SH3GL2: variants seen among roughly 807,000 people sequenced by gnomAD.
SH3GL2 encodes endophilin-A1.
A neutral mutation model predicts 46.0 loss-of-function variants in SH3GL2; 24 were observed. That is an observed-to-expected ratio of 0.52 (90% CI 0.38 to 0.73). The LOEUF (loss-of-function observed/expected upper bound fraction) is 0.73. Among genes scored for constraint, SH3GL2 ranks in the 30% least tolerant of loss-of-function variants. The probability of loss-of-function intolerance (pLI) is 0.00; values close to 1 mark genes in which losing one functional copy is unlikely to be tolerated. For missense variants in SH3GL2, 413 were observed against 424.2 expected (o/e 0.97, Z 0.23); for synonymous variants, 196 against 147.1 (o/e 1.33, Z -2.40).
chr9:17,788,715 C>T (rs746955538), intron 5 of SH3GL2, among the ~76,000 whole-genome samples: 1 of 152,070 alleles, frequency 6.6e-6, no homozygotes, highest in Non-Finnish European at 1.5e-5. Flanking sequence ...TAGGTCCCTT[C>T]CAAGTGAGAT....
intron 1 of SH3GL2, among the ~76,000 whole-genome samples, chr9:17,719,837 T>G (rs57261811): frequency 0.067 from 10,146 of 151,628 alleles, 481 homozygotes; most frequent in Admixed American, 0.14. Context: ...CTACTGGTAT[T>G]TAAAATGTAA....
chr9:17,732,161 A>C (rs375358596), intron 1 of SH3GL2, among the ~76,000 whole-genome samples: 1 of 152,104 alleles, frequency 6.6e-6, no homozygotes, highest in African/African-American at 2.4e-5. Flanking sequence ...ACAGCACATT[A>C]ATATTACCCT....
intron 1 of SH3GL2, among the ~76,000 whole-genome samples, chr9:17,696,692 A>G (rs1274375162): frequency 6.6e-6 from 1 of 152,128 alleles, no homozygotes. Flanking sequence ...ACATGATTCC[A>G]TTACCTCCTA....
intron 1 of SH3GL2, among the ~76,000 whole-genome samples, chr9:17,650,464 C>T (rs761656931): frequency 5.3e-5 from 8 of 152,064 alleles, no homozygotes; most frequent in East Asian, 1.9e-4. Flanking sequence ...CTCTGCCTTC[C>T]GGGTTCAAGC....
At chr9:17,773,444 T>C (rs1209888306) in intron 3 of SH3GL2, among the ~76,000 whole-genome samples, 1 of 152,162 alleles carries the variant, frequency 6.6e-6, no homozygotes, top group Non-Finnish European at 1.5e-5. Context: ...GAGTTTTAGA[T>C]CTTACAGCTA....
intron 3 of SH3GL2, among the ~76,000 whole-genome samples, chr9:17,782,851 C>G (rs1823849766): frequency 6.6e-6 from 1 of 152,182 alleles, no homozygotes; most frequent in Admixed American, 6.5e-5. Context: ...CTGCATCTTT[C>G]TGTCACCCTC....
intron 1 of SH3GL2, among the ~76,000 whole-genome samples, chr9:17,614,912 C>T (rs995082370): frequency 2.6e-5 from 4 of 152,200 alleles, no homozygotes; most frequent in Non-Finnish European, 4.4e-5. Context: ...AGTTTCCCCA[C>T]ACCCAAAAGG....
intron 1 of SH3GL2, among the ~76,000 whole-genome samples, chr9:17,597,847 A>G (rs1338138641): frequency 6.6e-6 from 1 of 152,200 alleles, no homozygotes; most frequent in African/African-American, 2.4e-5. Flanking sequence ...ATTGAGGGCC[A>G]GTTTTTCCCC....
chr9:17,683,568 AG>A (rs149404303), intron 1 of SH3GL2, among the ~76,000 whole-genome samples: 4,773 of 152,150 alleles, frequency 0.031, 131 homozygotes, highest in Admixed American at 0.075. Context: ...GGGAGGAGGT[AG>A]ATCACTTGGA....
chr9:17,646,788 C>G (rs1184714865), intron 1 of SH3GL2, among the ~76,000 whole-genome samples: 2 of 152,168 alleles, frequency 1.3e-5, no homozygotes, highest in African/African-American at 4.8e-5. Context: ...AGCCAGAGCT[C>G]TCCTTTATGA....
chr9:17,786,826 A>G (rs1823972213), intron 4 of SH3GL2, among the ~76,000 whole-genome samples: 1 of 151,950 alleles, frequency 6.6e-6, no homozygotes, highest in Non-Finnish European at 1.5e-5. Context: ...GTCATTGAGT[A>G]TTGAAGCAGA....
chr9:17,705,456 G>GCATTCACAGTAGTATTCACAGTATTCACA (rs1821447582), intron 1 of SH3GL2, among the ~76,000 whole-genome samples: 2 of 151,222 alleles, frequency 1.3e-5, no homozygotes, highest in Non-Finnish European at 3.0e-5. Flanking sequence ...GTTCAGCACA[G>GCATTCACAGTAGTATTCACAGTATTCACA]CAGTATTCAC....
At chr9:17,580,084 C>G (rs1382962283) in intron 1 of SH3GL2, among the ~76,000 whole-genome samples, 1 of 152,096 alleles carries the variant, frequency 6.6e-6, no homozygotes, top group Non-Finnish European at 1.5e-5. Flanking sequence ...AATTTAGATT[C>G]TAATAATTAA....
At chr9:17,745,362 T>C (rs895840977) in intron 1 of SH3GL2, among the ~76,000 whole-genome samples, 6 of 152,178 alleles carry the variant, frequency 3.9e-5, no homozygotes, top group African/African-American at 1.4e-4. Flanking sequence ...ATACACTTTA[T>C]TGGTGAGAGA....
chr9:17,768,231 G>C (rs9407846), intron 3 of SH3GL2, among the ~76,000 whole-genome samples: 123,879 of 151,728 alleles, frequency 0.82, 50,871 homozygotes, highest in East Asian at 0.96. Flanking sequence ...AGTAGCTGCT[G>C]TTGGTGGTGG....
chr9:17,791,375 G>T (rs374237813), intron 7 of SH3GL2, 41 bp downstream of exon 7: 4 of 1,273,296 alleles, frequency 3.1e-6, no homozygotes, highest in Non-Finnish European at 4.6e-6. Flanking sequence ...GCATTTTATT[G>T]CTATAAAATG....
chr9:17,694,319 G>GA (rs750001813), intron 1 of SH3GL2, among the ~76,000 whole-genome samples: 16 of 152,124 alleles, frequency 1.1e-4, no homozygotes, highest in Non-Finnish European at 1.8e-4. Flanking sequence ...AGGAGAGAGA[G>GA]AAAGAGAGAG....
At chr9:17,651,519 CACTTT>C (rs1418396719) in intron 1 of SH3GL2, among the ~76,000 whole-genome samples, 3 of 152,144 alleles carry the variant, frequency 2.0e-5, no homozygotes, top group Admixed American at 6.5e-5. Flanking sequence ...GAATACTCTT[CACTTT>C]GTGTATATTG....
intron 1 of SH3GL2, among the ~76,000 whole-genome samples, chr9:17,678,771 C>T (rs1193229983): frequency 5.3e-5 from 8 of 152,120 alleles, no homozygotes; most frequent in Admixed American, 5.2e-4. Flanking sequence ...TTAGGTCTAA[C>T]ATTTAAGTCT....
Sources: allele counts gnomAD v4.1 joint callset (sites outside exome capture counted in the v4.1 genomes callset), GRCh38; gene constraint gnomAD v4.1.1; transcripts MANE v1.5; gene names NCBI Gene and HGNC (gene_info 2026-07-23, HGNC 2026-07-21).